The following LY6G5B variants were observed in gnomAD, a reference collection of about 807,000 sequenced individuals.
LY6G5B encodes lymphocyte antigen 6 complex locus protein G5b.
Under a neutral mutation model 6.7 loss-of-function variants are expected in LY6G5B, and 6 were observed. The observed-to-expected ratio is 0.89, with a 90% CI of 0.49 to 1.76. The LOEUF is 1.76. Among genes scored for constraint, LY6G5B ranks in the 40% most tolerant of loss-of-function variants. The pLI is 0.01. For synonymous variants in LY6G5B, 98 were observed against 99.4 expected, an observed-to-expected ratio of 0.99 and a Z score of 0.09; for missense variants, 240 against 249.5, an observed-to-expected ratio of 0.96 and a Z score of 0.26.
chr6:31,671,888 G>A (rs1286896800), exon 3 of LY6G5B: 44 of 1,609,648 alleles, frequency 2.7e-5, no homozygotes, highest in Non-Finnish European at 3.6e-5. Context: ...TTCATCGTTC[G>A]AGGCTGTGGA....
intron 2 of LY6G5B, among the ~76,000 whole-genome samples, chr6:31,671,535 G>T (rs896911252): frequency 2.6e-5 from 4 of 152,148 alleles, no homozygotes; most frequent in Non-Finnish European, 4.4e-5. Flanking sequence ...AGGCATGGTG[G>T]TATGCACCTG....
exon 1 of LY6G5B, chr6:31,670,847 C>T: frequency 8.0e-7 from 1 of 1,255,482 alleles, no homozygotes; most frequent in South Asian, 1.5e-5. Flanking sequence ...CTGCTCAGAC[C>T]TTGTCAAAAC....
rs1417699299 is a variant in LY6G5B, at chr6:31,671,141, C to T, written c.59-15C>T. 4 of 1,613,766 alleles carry T rather than the reference C, an allele frequency of 2.5e-6. No homozygotes were observed. The highest frequency in any genetic ancestry group is 2.7e-5 in the African/African-American group (2 of 74,822). ...GAGTGACCCAGTGCCTCCATCCCTC[C>T]TTCTGCCTCCCCAGTTCCTGTTCCC... On this transcript the variant is annotated splice_polypyrimidine_tract_variant and intron_variant, in intron 1 of 2. Coordinates refer to ENST00000375864, the Ensembl canonical transcript of LY6G5B.
chr6:31,671,864 A>G (rs770831041), exon 3 of LY6G5B: 3 of 1,603,714 alleles, frequency 1.9e-6, no homozygotes, highest in East Asian at 2.2e-5. Context: ...TCTCCCTCAG[A>G]TGTCAAGGTT....
intron 2 of LY6G5B, 144 bp downstream of exon 2, chr6:31,671,428 C>A: frequency 2.4e-6 from 3 of 1,252,058 alleles, no homozygotes; most frequent in Non-Finnish European, 3.3e-6. Flanking sequence ...GTAACCCTAG[C>A]ACTTTGGGAG....
chr6:31,670,759 C>T (rs1043072708), exon 1 of LY6G5B: 2 of 601,664 alleles, frequency 3.3e-6, no homozygotes, highest in African/African-American at 1.9e-5. Context: ...CATGCTGTCC[C>T]TCCTGCCAAG....
exon 3 of LY6G5B, chr6:31,672,177 C>A: frequency 6.2e-7 from 1 of 1,613,132 alleles, no homozygotes. Flanking sequence ...TGTCCCTGAA[C>A]CTGGGCTTGT....
At chr6:31,672,355 C>G (rs1279653645) in exon 3 of LY6G5B, 68 of 1,473,818 alleles carry the variant, frequency 4.6e-5, no homozygotes, top group Non-Finnish European at 6.1e-5. Context: ...CACCCACATT[C>G]TTTGGTCACT....
chr6:31,670,879 G>C (rs1802156906), exon 1 of LY6G5B: 1 of 1,497,220 alleles, frequency 6.7e-7, no homozygotes, highest in South Asian at 1.3e-5. Context: ...TTAGGATTAA[G>C]GAGCATGGTC....
chr6:31,671,062 G>A (rs1034948785), intron 1 of LY6G5B, 54 bp downstream of exon 1: 3 of 1,609,844 alleles, frequency 1.9e-6, no homozygotes, highest in East Asian at 2.2e-5. Context: ...GTCCAGGAAG[G>A]GGGTGGAGCG....
intron 2 of LY6G5B, 73 bp downstream of exon 2, chr6:31,671,357 G>T: frequency 6.3e-7 from 1 of 1,597,144 alleles, no homozygotes. Context: ...TCACAGATCA[G>T]GGCTGCTCCG....
chr6:31,672,528 T>A, exon 3 of LY6G5B: 1 of 533,550 alleles, frequency 1.9e-6, no homozygotes, highest in Non-Finnish European at 3.3e-6. Context: ...CACTACAACC[T>A]CCACCTCCCG....
At chr6:31,672,705 A>C in exon 3 of LY6G5B, 2 of 175,836 alleles carry the variant, frequency 1.1e-5, no homozygotes, top group East Asian at 1.7e-4. Flanking sequence ...CGACCTCCCA[A>C]AGTGCCGGGA....
chr6:31,672,404 CTA>C (rs932184193), exon 3 of LY6G5B: 2 of 1,071,520 alleles, frequency 1.9e-6, no homozygotes, highest in Admixed American at 4.8e-5. Flanking sequence ...CCACTAGCAT[CTA>C]TATGACTTTT....
chr6:31,671,204 C>T (rs1482258648), exon 2 of LY6G5B: 1 of 1,613,984 alleles, frequency 6.2e-7, no homozygotes, highest in Non-Finnish European at 8.5e-7. Context: ...GTAGAAGACC[C>T]TTCTGTAGGA....
intron 1 of LY6G5B, 50 bp from the exon 2 acceptor site, chr6:31,671,106 G>A: frequency 1.2e-6 from 2 of 1,613,106 alleles, no homozygotes; most frequent in South Asian, 1.1e-5. Context: ...TACTGGCCCA[G>A]GGTATTTGAG....
At chr6:31,672,379 C>A in exon 3 of LY6G5B, 1 of 1,310,618 alleles carries the variant, frequency 7.6e-7, no homozygotes, top group Non-Finnish European at 1.1e-6. Context: ...ATTTCTTAGG[C>A]CTCCGTCTGT....
chr6:31,670,261 A>G (rs953753403), exon 1 of LY6G5B: 1 of 322,676 alleles, frequency 3.1e-6, no homozygotes. Flanking sequence ...TGCAAGGTCA[A>G]AAGGAAAAGA....
exon 1 of LY6G5B, chr6:31,670,982 T>G: frequency 6.2e-7 from 1 of 1,612,396 alleles, no homozygotes; most frequent in Non-Finnish European, 8.5e-7. Flanking sequence ...GGTGTGCTGG[T>G]CATGGTGGGC....
Sources: allele counts gnomAD v4.1 joint callset (sites outside exome capture counted in the v4.1 genomes callset), GRCh38; gene constraint gnomAD v4.1.1; transcripts MANE v1.5; gene names NCBI Gene and HGNC (gene_info 2026-07-23, HGNC 2026-07-21).